Variants in CCDC83 observed in about 807,000 individuals in gnomAD.
CCDC83 encodes coiled-coil domain-containing protein 83.
In CCDC83, 54 loss-of-function variants were observed where a neutral mutation model predicts 50.1. That is an observed-to-expected ratio of 1.08 (90% CI 0.87 to 1.35). The LOEUF is 1.35. Ranked by LOEUF, CCDC83 falls within the 40% of genes most tolerant of loss-of-function variation. The pLI, the probability that CCDC83 is intolerant of heterozygous loss-of-function variation, is 0.00. For missense variants in CCDC83, 518 were observed against 473.9 expected, an observed-to-expected ratio of 1.09 and a Z score of -0.86; for synonymous variants, 161 against 153.3, an observed-to-expected ratio of 1.05 and a Z score of -0.37.
Position 85,886,242 on chromosome 11 carries a change from A to C in CCDC83, c.386A>C (p.Glu129Ala). 6.2e-7 allele frequency: 1 copy of C among 1,601,214 alleles called. No homozygotes were observed. The highest frequency in any genetic ancestry group is 8.5e-7 in the Non-Finnish European group (1 of 1,175,636). ...AGTAATGCTGAGAAACTATTTCTTGAGAAACTCAGTGAAAAGGAATATTGG... is the reference window on the plus strand; with the variant it reads ...AGTAATGCTGAGAAACTATTTCTTGCGAAACTCAGTGAAAAGGAATATTGG... ...QISNAEKLFL[E>A]KLSEKEYWEE... The change falls in exon 5 of 11, where the codon GAG becomes GCG. Residue 129 changes from glutamate to alanine, a missense_variant. By Grantham distance (107) the Glu-to-Ala change is moderately radical. Transcript: ENST00000342404.
At chr11:85,919,169 A>G (rs1327660881) in intron 10 of CCDC83, among the ~76,000 whole-genome samples, 180 bp from the exon 11 acceptor site, 1 of 152,020 alleles carries the variant, frequency 6.6e-6, no homozygotes, top group Non-Finnish European at 1.5e-5. Flanking sequence ...TTTCCTGAGT[A>G]TTTTGTTTTT....
At position 85,881,288 on chromosome 11, in the gene CCDC83, G is replaced by A. The variant is rs561022599; in HGVS notation, c.181-1225G>A. 7.9e-5 allele frequency among the ~76,000 whole-genome samples: 12 copies of A among 151,898 alleles called. 1 individual carries two copies. Among genetic ancestry groups the A allele is most frequent in the Admixed American group, 4.6e-4 (7 of 15,250 alleles). On this transcript the variant is annotated intron_variant, in intron 3 of 10. Transcript: ENST00000342404. ...CTTGGGAGGCTGAGGCAGGAGAATCGCTTGAACCAGGGAAGTGGAGGTTGC... is the reference window on the plus strand; with the variant it reads ...CTTGGGAGGCTGAGGCAGGAGAATCACTTGAACCAGGGAAGTGGAGGTTGC...
intron 5 of CCDC83, among the ~76,000 whole-genome samples, chr11:85,891,876 G>T (rs2093351863): frequency 6.6e-6 from 1 of 152,142 alleles, no homozygotes; most frequent in African/African-American, 2.4e-5. Context: ...ATGGAACAGG[G>T]ATTTGAACCT....
chr11:85,865,080 T>C lies in CCDC83; in HGVS notation c.-28-16T>C. 2 of 1,306,526 alleles carry C rather than the reference T, an allele frequency of 1.5e-6. No individual in the cohort carries two copies. The highest frequency in any genetic ancestry group is 1.9e-4 in the Middle Eastern group (1 of 5,392). 80.9% of individuals were successfully genotyped at this position (1,306,526 alleles called of 1,614,324 possible). A position where few individuals can be genotyped will look rare whatever the true frequency, so the allele number is the denominator to read the frequency against. ...AGATGGAATTTTTCACTTTCGTATG[T>C]CTCCTTTCTAAACAGGTATATTTCT... On this transcript the variant is annotated splice_polypyrimidine_tract_variant and intron_variant, in intron 1 of 10. Coordinates refer to ENST00000342404, the MANE Select transcript of CCDC83 (RefSeq NM_001286159.2).
At chr11:85,874,736 A>T (rs1463541432) in intron 3 of CCDC83, among the ~76,000 whole-genome samples, 5 of 152,238 alleles carry the variant, frequency 3.3e-5, no homozygotes, top group Non-Finnish European at 7.3e-5. Flanking sequence ...CTCTAGCAAA[A>T]GTTATTAATG....
Position 85,911,308 on chromosome 11 carries a change from G to T in CCDC83, c.700G>T (p.Glu234Ter), listed in dbSNP as rs1292149589. ...TGCAATTCACAGGAAGGAAGTTGAA[G>T]AATTAAAAAATGCTATTCATGAACT... The part of the protein sequence containing the change: ...EVAIHRKEVE[E>*]LKNAIHELEA... The change falls in exon 8 of 11, where the codon GAA becomes TAA. Residue 234 changes from glutamate to a stop codon, truncating the protein, a stop_gained. Coordinates refer to ENST00000342404, the MANE Select transcript of CCDC83 (RefSeq NM_001286159.2). LOFTEE classifies it high-confidence loss of function. The T allele has an allele frequency of 1.9e-6, 3 of 1,610,270 alleles. No individual in the cohort carries two copies. The highest frequency in any genetic ancestry group is 2.5e-6 in the Non-Finnish European group (3 of 1,178,186).
At chr11:85,858,738 G>A (rs961546398) in intron 1 of CCDC83, among the ~76,000 whole-genome samples, 2 of 147,200 alleles carry the variant, frequency 1.4e-5, no homozygotes, top group African/African-American at 5.1e-5. Flanking sequence ...GCATTCACCC[G>A]GTCTGTGGAC....
chr11:85,905,386 G>A (rs192274467), intron 7 of CCDC83, among the ~76,000 whole-genome samples: 13 of 149,212 alleles, frequency 8.7e-5, no homozygotes, highest in African/African-American at 3.0e-4. Context: ...AGTTTGCAGT[G>A]AGCCGAGATT....
chr11:85,892,733 A>G (rs1006192013), intron 5 of CCDC83, among the ~76,000 whole-genome samples: 1 of 152,232 alleles, frequency 6.6e-6, no homozygotes, highest in Non-Finnish European at 1.5e-5. Context: ...AGAAGTTCAA[A>G]TAAATAACCA....
At chr11:85,908,516 A>G (rs1037635912) in intron 7 of CCDC83, among the ~76,000 whole-genome samples, 3 of 152,044 alleles carry the variant, frequency 2.0e-5, no homozygotes, top group Non-Finnish European at 4.4e-5. Context: ...ACGCCACTGC[A>G]TTCCAACCTG....
chr11:85,881,457 C>G (rs2093300054), intron 3 of CCDC83, among the ~76,000 whole-genome samples: 1 of 152,108 alleles, frequency 6.6e-6, no homozygotes, highest in African/African-American at 2.4e-5. Context: ...GGGTCTTTCT[C>G]TGTCACCCAA....
rs1419156793 is a variant in CCDC83 at position 85,873,307 on chromosome 11, AT to A, written c.180+15del. 3 of 1,187,838 alleles carry A rather than the reference AT, an allele frequency of 2.5e-6. No homozygotes were observed. The highest frequency in any genetic ancestry group is 3.6e-6 in the Non-Finnish European group (3 of 825,054). The allele number at this position is 1,187,838 out of a possible 1,614,324, so 73.6% of individuals were successfully genotyped here. On this transcript the variant is annotated intron_variant, in intron 3 of 10. Transcript: ENST00000342404. ...AATATCATGAAAGAGTGAGTATAAA[AT>A]TTAGAACCTATATATAGTCATTAAA...
intron 3 of CCDC83, among the ~76,000 whole-genome samples, chr11:85,873,890 G>C (rs1024631636): frequency 3.9e-5 from 6 of 152,212 alleles, no homozygotes; most frequent in African/African-American, 1.4e-4. Flanking sequence ...CATGAATGAT[G>C]AAATACTGAG....
At position 85,878,247 on chromosome 11, in the gene CCDC83, T is replaced by C. The variant is rs139462691; in HGVS notation, c.181-4266T>C. On this transcript the variant is annotated intron_variant, in intron 3 of 10. Transcript: ENST00000342404. ...ACAGTACAATATTATAACTAGGATA[T>C]TGACAAGTTTAACATGGAAAGTCAA... is the stretch of plus-strand genomic sequence containing the variant. 1.1e-3 allele frequency among the ~76,000 whole-genome samples: 169 copies of C among 152,274 alleles called. 1 individual carries two copies. The highest frequency in any genetic ancestry group is 4.0e-3 in the African/African-American group (166 of 41,562).
At position 85,882,533 on chromosome 11, in the gene CCDC83, A is replaced by G; in HGVS notation, c.201A>G (p.Glu67=). 6.2e-7 allele frequency: 1 copy of G among 1,613,778 alleles called. No individual in the cohort carries two copies. Among genetic ancestry groups the G allele is most frequent in the Non-Finnish European group, 8.5e-7 (1 of 1,179,822 alleles). Residue 67 remains glutamate, a synonymous_variant, in exon 4 of 11, where the codon GAA becomes GAG. Transcript: ENST00000342404. ...YHERNSRLKE[E]QIWHIRHLLK... is the part of the protein sequence containing the mutation. The stretch of plus-strand genomic sequence containing the variant: ...GACAGAATAGCCGCTTAAAAGAAGA[A>G]CAGATTTGGCACATACGGCATCTAC...
At position 85,882,367 on chromosome 11, in the gene CCDC83, C is replaced by G. The variant is rs1592155169; in HGVS notation, c.181-146C>G. ...CTGCCAGGGGAAGTAGGGATACCAC[C>G]TCATAATGTCTGATGGAAGTAGAAG... On this transcript the variant is annotated intron_variant, in intron 3 of 10. Transcript: ENST00000342404. 4.5e-6 allele frequency: 3 copies of G among 671,644 alleles called. No individual in the cohort carries two copies. In the East Asian group the frequency reaches 7.6e-5, roughly 17 times the overall value. The allele number at this position is 671,644 out of a possible 1,614,324, so 41.6% of individuals were successfully genotyped here.
At chr11:85,893,491 T>C (rs1188314815) in intron 5 of CCDC83, among the ~76,000 whole-genome samples, 1 of 152,088 alleles carries the variant, frequency 6.6e-6, no homozygotes, top group East Asian at 1.9e-4. Context: ...TGAAGAAAAT[T>C]TTCCCTTTGA....
At chr11:85,908,347 C>T (rs1024569575) in intron 7 of CCDC83, among the ~76,000 whole-genome samples, 1 of 152,034 alleles carries the variant, frequency 6.6e-6, no homozygotes, top group Non-Finnish European at 1.5e-5. Context: ...CCGTGGCTCA[C>T]ACCTATAATC....
chr11:85,908,600 T>C (rs575949307), intron 7 of CCDC83, among the ~76,000 whole-genome samples: 1 of 131,276 alleles, frequency 7.6e-6, no homozygotes, highest in African/African-American at 2.9e-5. Flanking sequence ...GATAGATAGA[T>C]AGATAGATAG....
Sources: allele counts gnomAD v4.1 joint callset (sites outside exome capture counted in the v4.1 genomes callset), GRCh38; gene constraint gnomAD v4.1.1; transcripts MANE v1.5; gene names NCBI Gene and HGNC (gene_info 2026-07-23, HGNC 2026-07-21).